The following ZNF16 variants were observed in gnomAD, a reference collection of about 807,000 sequenced individuals.
ZNF16 encodes the protein zinc finger protein KOX9.
Under a neutral mutation model 9.0 loss-of-function variants are expected in ZNF16, and 7 were observed. The observed-to-expected ratio is 0.78, with a 90% CI of 0.44 to 1.47. ZNF16 has a LOEUF of 1.47. ZNF16 is among the 40% of genes most tolerant of loss of function. The pLI, the probability that ZNF16 is intolerant of heterozygous loss-of-function variation, is 0.01. For synonymous variants in ZNF16, 312 were observed against 301.5 expected (o/e 1.03, Z -0.36); for missense variants, 830 against 854.2 (o/e 0.97, Z 0.35).
chr8:144,938,219 A>AT (rs1239630933), intron 2 of ZNF16, among the ~76,000 whole-genome samples: 1 of 152,100 alleles, frequency 6.6e-6, no homozygotes, highest in African/African-American at 2.4e-5. Flanking sequence ...CTCTGACGTT[A>AT]TTTTTCATGA....
chr8:144,942,127 A>G (rs541504586), intron 2 of ZNF16, among the ~76,000 whole-genome samples: 118 of 147,946 alleles, frequency 8.0e-4, no homozygotes, highest in Middle Eastern at 7.6e-3. Flanking sequence ...ACAGGTGCCC[A>G]CCACCTTGCC....
chr8:144,948,004 A>G (rs1381629528), intron 1 of ZNF16: 1 of 152,490 alleles, frequency 6.6e-6, no homozygotes, highest in Non-Finnish European at 1.5e-5. Context: ...CCAGCTGAGA[A>G]TGAGGGTGTG....
At chr8:144,935,932 T>C (rs1034545884) in intron 2 of ZNF16, among the ~76,000 whole-genome samples, 1 of 152,230 alleles carries the variant, frequency 6.6e-6, no homozygotes, top group Non-Finnish European at 1.5e-5. Context: ...AAACATTTAC[T>C]GAGGTGAAAT....
At position 144,930,686 on chromosome 8, in the gene ZNF16, G is replaced by C; in HGVS notation, c.*52C>G. 6.6e-7 allele frequency: 1 copy of C among 1,509,526 alleles called. No homozygotes were observed. The highest frequency in any genetic ancestry group is 8.8e-7 in the Non-Finnish European group (1 of 1,131,140). The allele number at this position is 1,509,526 out of a possible 1,614,324, so 93.5% of individuals were successfully genotyped here. On this transcript the variant is annotated 3_prime_UTR_variant, in exon 3 of 3. Coordinates refer to ENST00000394909, the MANE Select transcript of ZNF16 (RefSeq NM_006958.3). ...GGCAGAGGCTGAGACAATGGCCAAA[G>C]AGGAGTTGGAGAGGAAACTATGCTC...
rs771483644 is a variant in ZNF16, at chr8:144,930,916, G to A, written c.1871C>T (p.Thr624Met). ...SHLIQHQIIH[T>M]GERPYKCSEC... ...ACTGCATTTGTAGGGGCGCTCGCCC[G>A]TGTGGATTATCTGATGCTGAATGAG... is the stretch of plus-strand genomic sequence containing the variant. Residue 624 changes from threonine (T) to methionine (M), a missense_variant, in exon 3 of 3, where the codon ACG becomes ATG. Physicochemically the swap from Thr to Met is moderately conservative, Grantham distance 81 (BLOSUM62 -1). Transcript: ENST00000394909. The A allele has an allele frequency of 1.1e-5, 18 of 1,612,360 alleles. No homozygotes were observed. The highest frequency in any genetic ancestry group is 2.2e-5 in the South Asian group (2 of 90,726).
Position 144,931,776 on chromosome 8 carries a change from G to A in ZNF16, c.1011C>T (p.Ile337=). ...GKAFRRSSNL[I]QHQRIHSGEK... is the part of the protein sequence containing the mutation. ...CCCCAGAATGGATTCTTTGATGTTGGATGAGGTTTGAGCTCCGCCTAAAAG... is the reference window on the plus strand; with the variant it reads ...CCCCAGAATGGATTCTTTGATGTTGAATGAGGTTTGAGCTCCGCCTAAAAG... Residue 337 remains isoleucine (I), a synonymous_variant, in exon 3 of 3, where the codon ATC becomes ATT. Transcript: ENST00000394909. 2 of 1,614,122 alleles carry A rather than the reference G, an allele frequency of 1.2e-6. No individual in the cohort carries two copies. The highest frequency in any genetic ancestry group is 2.2e-5 in the South Asian group (2 of 91,076).
rs142731952 is a variant in ZNF16 at position 144,937,439 on chromosome 8, T to C, written c.197-4849A>G. ...CTGAGCCACCACACCTGGCTTCTTT[T>C]CACGTTCTTGATAATATATTTTGAT... is the stretch of plus-strand genomic sequence containing the variant. On this transcript the variant is annotated intron_variant, in intron 2 of 2. Coordinates refer to ENST00000394909, the MANE Select transcript of ZNF16 (RefSeq NM_006958.3). Among the ~76,000 whole-genome samples, 280 of 152,268 alleles carry C rather than the reference T, an allele frequency of 1.8e-3. 3 individuals are homozygous for C. The highest frequency in any genetic ancestry group is 2.5e-3 in the African/African-American group (104 of 41,568).
At position 144,930,545 on chromosome 8, in the gene ZNF16, C is replaced by A. The variant is rs1487131664; in HGVS notation, c.*193G>T. 42 of 577,240 alleles carry A rather than the reference C, an allele frequency of 7.3e-5. No individual in the cohort carries two copies. The East Asian group carries it at 1.2e-3, about 16-fold the overall frequency. The allele number at this position is 577,240 out of a possible 1,614,324, so 35.8% of individuals were successfully genotyped here. A position where few individuals can be genotyped will look rare whatever the true frequency, so the allele number is the denominator to read the frequency against. On this transcript the variant is annotated 3_prime_UTR_variant, in exon 3 of 3. Transcript: ENST00000394909. ...CCCAAACCCAAGACATCACAAGAGG[C>A]AAGAGCAGTGGCAGTGAGAAGGGAG...
In ZNF16 at chr8:144,931,213, G is replaced by A; in HGVS notation, c.1574C>T (p.Thr525Ile). The A allele has an allele frequency of 6.2e-7, 1 of 1,613,978 alleles. No homozygotes were observed. The highest frequency in any genetic ancestry group is 1.3e-5 in the African/African-American group (1 of 74,950). Residue 525 changes from threonine to isoleucine, a missense_variant, in exon 3 of 3, where the codon ACC (threonine) becomes ATC (isoleucine). Physicochemically the swap from Thr to Ile is moderately conservative, Grantham distance 89 (BLOSUM62 -1). Transcript: ENST00000394909. ...KPYACHECGK[T>I]FGRSSNLILH... ...GATGAGGTTGGAGCTGCGACCAAAG[G>A]TCTTCCCACACTCGTGGCAGGCGTA...
chr8:144,943,646 A>G (rs1034728984), intron 2 of ZNF16, among the ~76,000 whole-genome samples: 1 of 151,988 alleles, frequency 6.6e-6, no homozygotes, highest in Non-Finnish European at 1.5e-5. Context: ...CAGCCTCCAG[A>G]GTAGCTGGGA....
At chr8:144,946,637 C>A (rs1344606746) in intron 1 of ZNF16, among the ~76,000 whole-genome samples, 3 of 120,678 alleles carry the variant, frequency 2.5e-5, no homozygotes, top group African/African-American at 6.6e-5. Context: ...GGGCCTGTGT[C>A]CTGCTGTTGG....
At chr8:144,942,413 G>A (rs1297044909) in intron 2 of ZNF16, among the ~76,000 whole-genome samples, 3 of 151,446 alleles carry the variant, frequency 2.0e-5, no homozygotes, top group Admixed American at 2.0e-4. Flanking sequence ...TCAGCCTCCT[G>A]AGTAGCTGGG....
chr8:144,931,131 T>C lies in ZNF16; in HGVS notation c.1656A>G (p.Lys552=). The C allele has an allele frequency of 6.2e-7, 1 of 1,614,180 alleles. No homozygotes were observed. The highest frequency in any genetic ancestry group is 8.5e-7 in the Non-Finnish European group (1 of 1,180,024). ...EKPYECTECG[K]TFSQSSTLIQ... is the part of the protein sequence containing the mutation. ...TGAGGGTTGAGCTCTGGCTGAAGGT[T>C]TTTCCACATTCAGTACATTCATAGG... is the stretch of plus-strand genomic sequence containing the variant. Residue 552 remains lysine (K), a synonymous_variant, in exon 3 of 3, where the codon AAA becomes AAG. Transcript: ENST00000394909.
At chr8:144,944,665 C>T (rs1365467513) in intron 2 of ZNF16, 3 of 152,066 alleles carry the variant, frequency 2.0e-5, no homozygotes, top group Admixed American at 6.6e-5. Context: ...TTTTTTGCTT[C>T]GTTATATGCT....
rs1260412280 is a variant in ZNF16, at chr8:144,946,101, C to T, written c.106G>A (p.Ala36Thr). 1.2e-6 allele frequency: 2 copies of T among 1,611,992 alleles called. No individual in the cohort carries two copies. The highest frequency in any genetic ancestry group is 1.1e-5 in the South Asian group (1 of 90,960). ...AAQARVRDAP[A>T]VTHPGSAACG... ...GCTGCAGATCCAGGGTGGGTCACAGCAGGAGCATCTCTCACACGGGCCTGG... is the reference window on the plus strand; with the variant it reads ...GCTGCAGATCCAGGGTGGGTCACAGTAGGAGCATCTCTCACACGGGCCTGG... Residue 36 changes from alanine (A) to threonine (T), a missense_variant, in exon 2 of 3, where the codon GCT becomes ACT. By Grantham distance (58) the Ala-to-Thr change is moderately conservative. Transcript: ENST00000394909.
rs1221922748 is a variant in ZNF16 at position 144,931,584 on chromosome 8, T to A, written c.1203A>T (p.Gly401=). ...AATCATTACACTCATAAGGCTTCTC[T>A]CCAGTGTGGACCCTCTGGTGCTTCC... ...HLRKHQRVHT[G]EKPYECNDCG... The change falls in exon 3 of 3, where the codon GGA becomes GGT. Residue 401 remains glycine, a synonymous_variant. Transcript: ENST00000394909. The A allele has an allele frequency of 8.1e-6, 13 of 1,613,940 alleles. No homozygotes were observed. The highest frequency in any genetic ancestry group is 1.0e-5 in the Non-Finnish European group (12 of 1,180,004).
In ZNF16 at chr8:144,933,220, T is replaced by C. The variant is rs1160202202; in HGVS notation, c.197-630A>G. Reference sequence around the variant, plus strand: ...TCAGGGCCTGGCAAGTTGAGTTGCATGGAGGCATCATTCAACCACTCCTGT... The same window carrying C: ...TCAGGGCCTGGCAAGTTGAGTTGCACGGAGGCATCATTCAACCACTCCTGT... On this transcript the variant is annotated intron_variant, in intron 2 of 2. Transcript: ENST00000394909. This position sits in a 1 kb window ranked among gnomAD's most constrained non-coding sequence, Gnocchi z 5.6. Among the ~76,000 whole-genome samples, 1 of 152,090 alleles carries C rather than the reference T, an allele frequency of 6.6e-6. No individual in the cohort carries two copies. The highest frequency in any genetic ancestry group is 1.5e-5 in the Non-Finnish European group (1 of 68,006).
chr8:144,937,147 T>TTC (rs1413316358), intron 2 of ZNF16, among the ~76,000 whole-genome samples: 1 of 128,808 alleles, frequency 7.8e-6, no homozygotes, highest in Non-Finnish European at 1.6e-5. Flanking sequence ...CTCTCTCTTT[T>TTC]TTTTTTTTTT....
At position 144,932,519 on chromosome 8, in the gene ZNF16, C is replaced by T. The variant is rs750222998; in HGVS notation, c.268G>A (p.Ala90Thr). 7 of 1,614,192 alleles carry T rather than the reference C, an allele frequency of 4.3e-6. No homozygotes were observed. The highest frequency in any genetic ancestry group is 5.1e-6 in the Non-Finnish European group (6 of 1,180,034). Residue 90 changes from alanine (A) to threonine (T), a missense_variant, in exon 3 of 3, where the codon GCA becomes ACA. Transcript: ENST00000394909. The surrounding 1 kb of genome is among the most constrained non-coding windows in gnomAD (Gnocchi z 5.0). Reference protein sequence around the residue: ...EDIHEDLESQAEISENYAGDV... With the variant: ...EDIHEDLESQTEISENYAGDV... Reference sequence around the variant, plus strand: ...CCAGCATAGTTTTCTGATATTTCTGCCTGTGATTCCAAATCTTCATGAATG... The same window carrying T: ...CCAGCATAGTTTTCTGATATTTCTGTCTGTGATTCCAAATCTTCATGAATG...
Sources: allele counts gnomAD v4.1 joint callset (sites outside exome capture counted in the v4.1 genomes callset), GRCh38; gene constraint gnomAD v4.1.1; non-coding constraint Gnocchi (gnomAD v3.1); transcripts MANE v1.5; gene names NCBI Gene and HGNC (gene_info 2026-07-23, HGNC 2026-07-21).